The following TBCD variants were observed in gnomAD, a reference collection of about 807,000 sequenced individuals.
TBCD encodes tubulin folding cofactor D.
In TBCD, 105 loss-of-function variants were observed where a neutral mutation model predicts 169.3. That is an observed-to-expected ratio of 0.62 (90% CI 0.53 to 0.73). TBCD has a LOEUF of 0.73. Ranked by LOEUF, TBCD falls within the 30% of genes least tolerant of loss-of-function variation. The pLI is 0.00. For missense variants in TBCD, 1,444 were observed against 1,600.1 expected, an observed-to-expected ratio of 0.90 and a Z score of 1.66; for synonymous variants, 700 against 643.9, an observed-to-expected ratio of 1.09 and a Z score of -1.32.
chr17:82,810,355 C>G (rs570915645), intron 12 of TBCD, among the ~76,000 whole-genome samples: 1 of 152,266 alleles, frequency 6.6e-6, no homozygotes, highest in South Asian at 2.1e-4. Context: ...GTGGGAGGAT[C>G]ACTTGAGGCC....
At chr17:82,846,639 C>T (rs919924246) in intron 13 of TBCD, among the ~76,000 whole-genome samples, 46 of 152,308 alleles carry the variant, frequency 3.0e-4, no homozygotes, top group African/African-American at 8.9e-4. Flanking sequence ...GCCCTGCCTT[C>T]GGGTTGTCTG....
intron 17 of TBCD, among the ~76,000 whole-genome samples, chr17:82,898,106 C>T (rs1429841857): frequency 7.0e-6 from 1 of 143,076 alleles, no homozygotes; most frequent in Non-Finnish European, 1.5e-5. Flanking sequence ...CACGGCATGG[C>T]TCTGTTCTCC....
At chr17:82,851,077 T>C (rs1394143167) in intron 13 of TBCD, among the ~76,000 whole-genome samples, 1 of 152,182 alleles carries the variant, frequency 6.6e-6, no homozygotes, top group African/African-American at 2.4e-5. Flanking sequence ...TCACAGATAT[T>C]ACACAGCCAG....
intron 13 of TBCD, among the ~76,000 whole-genome samples, chr17:82,862,146 T>C (rs1352127362): frequency 1.3e-5 from 2 of 152,140 alleles, no homozygotes; most frequent in Non-Finnish European, 2.9e-5. Context: ...ATGGTCTTGA[T>C]CTCCTGACCT....
Position 82,752,374 on chromosome 17 carries a change from C to T in TBCD, c.181C>T (p.Arg61Cys). 5.4e-6 allele frequency: 7 copies of T among 1,291,944 alleles called. No individual in the cohort carries two copies. Among genetic ancestry groups the T allele is most frequent in the South Asian group, 2.4e-5 (1 of 41,700 alleles). 80.0% of individuals were successfully genotyped at this position (1,291,944 alleles called of 1,614,324 possible). A position where few individuals can be genotyped will look rare whatever the true frequency, so the allele number is the denominator to read the frequency against. ...AEREVALERF[R>C]VIMDKYQEQP... is the part of the protein sequence containing the mutation. ...GCGCGAGGTGGCCCTGGAGCGGTTC[C>T]GCGGTGCGTGGGCGGCGCCGCGTGC... Residue 61 changes from arginine to cysteine, a missense_variant, in exon 1 of 39, where the codon CGC (arginine) becomes TGC (cysteine). Physicochemically the swap from Arg to Cys is radical, Grantham distance 180 (BLOSUM62 -3). Transcript: ENST00000355528.
intron 9 of TBCD, among the ~76,000 whole-genome samples, chr17:82,804,484 T>C (rs1401735296): frequency 6.6e-6 from 1 of 152,222 alleles, no homozygotes; most frequent in Non-Finnish European, 1.5e-5. Context: ...TTAGGGTCTC[T>C]CCTGAGGCTT....
chr17:82,776,839 A>C (rs1356251235), intron 6 of TBCD, among the ~76,000 whole-genome samples: 3 of 152,148 alleles, frequency 2.0e-5, no homozygotes, highest in African/African-American at 7.2e-5. Flanking sequence ...AGGCAGCCCC[A>C]GGAACACCCC....
rs1239676655 is a variant in TBCD at position 82,752,265 on chromosome 17, C to T, written c.72C>T (p.Gly24=). The T allele has an allele frequency of 9.2e-6, 14 of 1,521,130 alleles. No homozygotes were observed. Among genetic ancestry groups the T allele is most frequent in the African/African-American group, 5.7e-5 (4 of 69,692 alleles). 94.2% of individuals were successfully genotyped at this position (1,521,130 alleles called of 1,614,324 possible). A position where few individuals can be genotyped will look rare whatever the true frequency, so the allele number is the denominator to read the frequency against. The change falls in exon 1 of 39, where the codon GGC becomes GGT. Residue 24 remains glycine, a synonymous_variant. Coordinates refer to ENST00000355528, the MANE Select transcript of TBCD (RefSeq NM_005993.5). ...CGGAGGACGAGACACTGGCCTTTGGCGCGGCGCTGGAAGCGTTCGGCGAGA... is the reference window on the plus strand; with the variant it reads ...CGGAGGACGAGACACTGGCCTTTGGTGCGGCGCTGGAAGCGTTCGGCGAGA... The part of the protein sequence containing the change: ...EEAEDETLAF[G]AALEAFGESA...
rs746520999 is a variant in TBCD at position 82,920,958 on chromosome 17, C to T, written c.2101+340C>T. Reference sequence around the variant, plus strand: ...AGGCCCTCGTGGACCAGGAGCGTGCCGGCCGCCGACACCACGGACCCTGTG... The same window carrying T: ...AGGCCCTCGTGGACCAGGAGCGTGCTGGCCGCCGACACCACGGACCCTGTG... On this transcript the variant is annotated intron_variant, in intron 24 of 38. Transcript: ENST00000355528. The surrounding 1 kb of genome is among the most constrained non-coding windows in gnomAD (Gnocchi z 4.1). 8.9e-5 allele frequency: 29 copies of T among 324,558 alleles called. No individual in the cohort carries two copies. The highest frequency in any genetic ancestry group is 1.2e-4 in the Non-Finnish European group (21 of 176,028). 20.1% of individuals were successfully genotyped at this position (324,558 alleles called of 1,614,324 possible). A position where few individuals can be genotyped will look rare whatever the true frequency, so the allele number is the denominator to read the frequency against.
At position 82,874,037 on chromosome 17, in the gene TBCD, G is replaced by A. The variant is rs1412579813; in HGVS notation, c.1475+3657G>A. 1.6e-4 allele frequency among the ~76,000 whole-genome samples: 25 copies of A among 152,230 alleles called. No homozygotes were observed. Among genetic ancestry groups the A allele is most frequent in the Admixed American group, 1.6e-3 (24 of 15,292 alleles). ...TGACTGGGGCTCCTCTTTTGGAGCAGCTGCCACGTGTGGACCGGCACGGGC... is the reference window on the plus strand; with the variant it reads ...TGACTGGGGCTCCTCTTTTGGAGCAACTGCCACGTGTGGACCGGCACGGGC... On this transcript the variant is annotated intron_variant, in intron 14 of 38. Transcript: ENST00000355528. This position sits in a 1 kb window ranked among gnomAD's most constrained non-coding sequence, Gnocchi z 5.0.
At chr17:82,895,447 C>T (rs111746622) in intron 17 of TBCD, among the ~76,000 whole-genome samples, 4 of 152,096 alleles carry the variant, frequency 2.6e-5, no homozygotes, top group South Asian at 4.1e-4. Context: ...TGGGCCCTGG[C>T]GGGGAGCTGC....
rs777586006 is a variant in TBCD at position 82,923,685 on chromosome 17, A to C, written c.2212A>C (p.Ser738Arg). ...AAVSALAALC[S>R]EYYMKEPGEA... ...AGTCTCGGCCCTGGCTGCTCTATGC[A>C]GTGAATATTACATGAAGGAGCCGGG... Residue 738 changes from serine (S) to arginine (R), a missense_variant, in exon 26 of 39, where the codon AGT becomes CGT. By Grantham distance (110) the Ser-to-Arg change is moderately radical. Coordinates refer to ENST00000355528, the MANE Select transcript of TBCD (RefSeq NM_005993.5). This position sits in a 1 kb window ranked among gnomAD's most constrained non-coding sequence, Gnocchi z 4.6. The C allele has an allele frequency of 1.9e-6, 3 of 1,596,446 alleles. No homozygotes were observed. The South Asian group carries it at 3.4e-5, about 18-fold the overall frequency.
intron 2 of TBCD, among the ~76,000 whole-genome samples, chr17:82,757,277 C>T (rs1357442816): frequency 6.6e-6 from 1 of 152,120 alleles, no homozygotes; most frequent in Non-Finnish European, 1.5e-5. Flanking sequence ...ACACGTGCCT[C>T]TTAAAGAGTA....
intron 3 of TBCD, among the ~76,000 whole-genome samples, chr17:82,764,355 A>G (rs536828314): frequency 6.6e-6 from 1 of 152,198 alleles, no homozygotes; most frequent in Non-Finnish European, 1.5e-5. Flanking sequence ...TCTTACAAGG[A>G]GAAAGCAGGC....
rs1430524865 is a variant in TBCD, at chr17:82,806,883, G to A, written c.1088-725G>A. Among the ~76,000 whole-genome samples the A allele has an allele frequency of 2.0e-5, 3 of 152,142 alleles. No individual in the cohort carries two copies. The highest frequency in any genetic ancestry group is 2.1e-4 in the South Asian group (1 of 4,828). On this transcript the variant is annotated intron_variant, in intron 10 of 38. Coordinates refer to ENST00000355528, the MANE Select transcript of TBCD (RefSeq NM_005993.5). This position sits in a 1 kb window ranked among gnomAD's most constrained non-coding sequence, Gnocchi z 5.1. ...GTAGGCGCCCGCATCTGTGCTGGGC[G>A]GCTCTGAGTCCCGGGCGGGGCCCTG...
intron 13 of TBCD, among the ~76,000 whole-genome samples, chr17:82,867,182 T>TG (rs71168165): frequency 0.4 from 61,318 of 151,784 alleles, 12,471 homozygotes; most frequent in Middle Eastern, 0.51. Flanking sequence ...TGGCCTGGGG[T>TG]GGGGGGTCTG....
chr17:82,797,538 T>C (rs971875461), intron 7 of TBCD, among the ~76,000 whole-genome samples: 11 of 152,192 alleles, frequency 7.2e-5, no homozygotes, highest in African/African-American at 2.7e-4. Context: ...ACTGGACTTA[T>C]CATTGCATCC....
rs968708253 is a variant in TBCD, at chr17:82,929,132, T to C, written c.2713T>C (p.Cys905Arg). The part of the protein sequence containing the change: ...EAHTCERIMC[C>R]VAQQASEKID... The stretch of plus-strand genomic sequence containing the variant: ...TTGCAGCTGTGAGCGCATCATGTGC[T>C]GTGTGGCCCAGCAGGCCAGTGAGAA... The change falls in exon 31 of 39, where the codon TGT (cysteine) becomes CGT (arginine). Residue 905 changes from cysteine (C) to arginine (R), a missense_variant. Transcript: ENST00000355528. The C allele has an allele frequency of 3.1e-6, 5 of 1,612,276 alleles. No homozygotes were observed. Among genetic ancestry groups the C allele is most frequent in the Non-Finnish European group, 4.2e-6 (5 of 1,179,866 alleles).
chr17:82,838,044 C>T (rs2054134635), intron 13 of TBCD, among the ~76,000 whole-genome samples: 1 of 152,248 alleles, frequency 6.6e-6, no homozygotes, highest in South Asian at 2.1e-4. Flanking sequence ...AGCCGATGCA[C>T]TTGGCTTCTG....
Sources: allele counts gnomAD v4.1 joint callset (sites outside exome capture counted in the v4.1 genomes callset), GRCh38; gene constraint gnomAD v4.1.1; non-coding constraint Gnocchi (gnomAD v3.1); transcripts MANE v1.5; gene names NCBI Gene and HGNC (gene_info 2026-07-23, HGNC 2026-07-21).